ARID3A: variants seen among roughly 807,000 people sequenced by gnomAD.
The protein encoded by ARID3A is AT-rich interaction domain 3A.
Under a neutral mutation model 52.7 loss-of-function variants are expected in ARID3A, and 11 were observed. The ratio of observed to expected loss-of-function variants is 0.21; its 90% confidence interval spans 0.13 to 0.35. ARID3A has a LOEUF of 0.35. Among genes scored for constraint, ARID3A ranks in the 10% least tolerant of loss-of-function variants. The pLI, the probability that ARID3A is intolerant of heterozygous loss-of-function variation, is 1.00. For synonymous variants in ARID3A, 404 were observed against 359.4 expected (o/e 1.12, Z -1.40); for missense variants, 721 against 838.5 (o/e 0.86, Z 1.73).
chr19:966,905 C>G (rs370064965), intron 7 of ARID3A, 37 bp downstream of exon 7: 6 of 1,564,368 alleles, frequency 3.8e-6, no homozygotes, highest in South Asian at 1.2e-5. Context: ...GTGCTTCCTG[C>G]GTGTGTCACA....
intron 8 of ARID3A, among the ~76,000 whole-genome samples, chr19:970,539 A>C (rs2038257176): frequency 8.6e-6 from 1 of 116,754 alleles, no homozygotes; most frequent in Non-Finnish European, 1.6e-5. Context: ...ACAGAGTCTC[A>C]CTCTGTTGCC....
In ARID3A at chr19:960,042, C is replaced by T; in HGVS notation, c.694-50C>T. 1 of 1,540,108 alleles carries T rather than the reference C, an allele frequency of 6.5e-7. No individual in the cohort carries two copies. The highest frequency in any genetic ancestry group is 8.9e-7 in the Non-Finnish European group (1 of 1,119,746). ...TCCAGTGCAGGAGGGACATGGTTCC[C>T]ACACCTGAGCTCTGGCACCAACTAA... On this transcript the variant is annotated intron_variant, in intron 3 of 8. Coordinates refer to ENST00000263620, the MANE Select transcript of ARID3A (RefSeq NM_005224.3). This position sits in a 1 kb window ranked among gnomAD's most constrained non-coding sequence, Gnocchi z 4.3.
At position 929,695 on chromosome 19, in the gene ARID3A, G is replaced by A. The variant is rs1036213275; in HGVS notation, c.167G>A (p.Arg56Gln). Residue 56 changes from arginine (R) to glutamine (Q), a missense_variant, in exon 2 of 9, where the codon CGG (arginine) becomes CAG (glutamine). Physicochemically the swap from Arg to Gln is conservative, Grantham distance 43 (BLOSUM62 1). This residue lies in a region of ARID3A where 349 missense variants were observed against 297.3 expected (regional missense o/e 1.17). Coordinates refer to ENST00000263620, the MANE Select transcript of ARID3A (RefSeq NM_005224.3). The surrounding 1 kb of genome is among the most constrained non-coding windows in gnomAD (Gnocchi z 6.2). ...DREPESARMQRAQMAALAAMR... is the reference protein window; with the variant it reads ...DREPESARMQQAQMAALAAMR... ...GAGCCCGAGAGTGCCCGGATGCAGC[G>A]GGCTCAGATGGCCGCACTGGCAGCC... 1.3e-5 allele frequency: 21 copies of A among 1,563,522 alleles called. No individual in the cohort carries two copies. The highest frequency in any genetic ancestry group is 4.6e-5 in the East Asian group (2 of 43,126).
chr19:972,154 A>C lies in ARID3A; in HGVS notation c.*89A>C. 7.8e-7 allele frequency: 1 copy of C among 1,278,806 alleles called. No homozygotes were observed. The allele number at this position is 1,278,806 out of a possible 1,614,324, so 79.2% of individuals were successfully genotyped here. A position where few individuals can be genotyped will look rare whatever the true frequency, so the allele number is the denominator to read the frequency against. ...GGCCACACAGGGGCCAGGATGGCGG[A>C]AGATACGGGTGGGGAGGGAAGATAT... On this transcript the variant is annotated 3_prime_UTR_variant, in exon 9 of 9. Transcript: ENST00000263620.
chr19:970,241 A>G (rs1216661475), intron 8 of ARID3A, among the ~76,000 whole-genome samples: 1 of 151,816 alleles, frequency 6.6e-6, no homozygotes, highest in African/African-American at 2.4e-5. Flanking sequence ...TGAACCCGGG[A>G]GGCGAAGGTT....
chr19:957,368 G>T (rs931785709), intron 3 of ARID3A, among the ~76,000 whole-genome samples: 1 of 152,212 alleles, frequency 6.6e-6, no homozygotes, highest in African/African-American at 2.4e-5. Flanking sequence ...CAGCCCCCAG[G>T]CTCTGGTCCC....
At chr19:934,936 G>A (rs546168878) in intron 3 of ARID3A, among the ~76,000 whole-genome samples, 9 of 152,278 alleles carry the variant, frequency 5.9e-5, no homozygotes, top group East Asian at 5.8e-4. Flanking sequence ...TGGGCTGTTC[G>A]TGGCAGGTCC....
Position 931,924 on chromosome 19 carries a change from T to C in ARID3A, c.369-494T>C, listed in dbSNP as rs186937476. Among the ~76,000 whole-genome samples, 884 of 150,168 alleles carry C rather than the reference T, an allele frequency of 5.9e-3. 3 individuals carry two copies. Among genetic ancestry groups the C allele is most frequent in the Non-Finnish European group, 0.01 (690 of 67,654 alleles). On this transcript the variant is annotated intron_variant, in intron 2 of 8. Transcript: ENST00000263620. ...CAGATGGCGGTGGGAGAATTCTCCC[T>C]GTGGAGGGAAGGGGAGGTGGAGCTG... is the stretch of plus-strand genomic sequence containing the variant.
chr19:954,993 T>A (rs1159419970), intron 3 of ARID3A, among the ~76,000 whole-genome samples: 1 of 152,080 alleles, frequency 6.6e-6, no homozygotes, highest in African/African-American at 2.4e-5. Flanking sequence ...TTTTGCCCAA[T>A]CTCCAGCCTG....
chr19:954,889 G>A (rs1162041427), intron 3 of ARID3A, among the ~76,000 whole-genome samples: 1 of 152,196 alleles, frequency 6.6e-6, no homozygotes, highest in African/African-American at 2.4e-5. Flanking sequence ...CCCCTCCCGT[G>A]ATCAGAGCAG....
At chr19:927,043 C>T (rs1052739800) in intron 1 of ARID3A, among the ~76,000 whole-genome samples, 4 of 152,106 alleles carry the variant, frequency 2.6e-5, no homozygotes, top group South Asian at 2.1e-4. Context: ...TTCTGCCCCG[C>T]CCCTCCCCCT....
intron 3 of ARID3A, among the ~76,000 whole-genome samples, chr19:957,182 C>T (rs993903779): frequency 4.6e-5 from 7 of 152,110 alleles, no homozygotes; most frequent in East Asian, 1.9e-4. Context: ...CTCTGGAAGA[C>T]GTTCCGGGGC....
chr19:975,435 G>A lies in ARID3A; in HGVS notation c.*3370G>A, dbSNP rs778676272. 1.3e-4 allele frequency: 30 copies of A among 230,760 alleles called. No homozygotes were observed. The highest frequency in any genetic ancestry group is 1.9e-4 in the Non-Finnish European group (22 of 116,506). The allele number at this position is 230,760 out of a possible 1,614,324, so 14.3% of individuals were successfully genotyped here. A position where few individuals can be genotyped will look rare whatever the true frequency, so the allele number is the denominator to read the frequency against. ...AGTTGAATTTCCTTTCTCTTATCATGTTTTACCCACCTTGTCCCTTTTTTC... is the reference window on the plus strand; with the variant it reads ...AGTTGAATTTCCTTTCTCTTATCATATTTTACCCACCTTGTCCCTTTTTTC... On this transcript the variant is annotated 3_prime_UTR_variant, in exon 9 of 9. Coordinates refer to ENST00000263620, the MANE Select transcript of ARID3A (RefSeq NM_005224.3).
At chr19:927,165 T>C (rs2037218269) in intron 1 of ARID3A, among the ~76,000 whole-genome samples, 1 of 152,004 alleles carries the variant, frequency 6.6e-6, no homozygotes, top group South Asian at 2.1e-4. Flanking sequence ...GGGTGACCTC[T>C]CTCCGGAGGC....
At chr19:950,108 C>T (rs1372918044) in intron 3 of ARID3A, among the ~76,000 whole-genome samples, 170 of 92,122 alleles carry the variant, frequency 1.8e-3, no homozygotes, top group African/African-American at 6.8e-3. Flanking sequence ...TGGATGAGGC[C>T]GTCCCCAGAG....
rs2038017837 is a variant in ARID3A, at chr19:960,466, C to T, written c.766+302C>T. 6.6e-6 allele frequency among the ~76,000 whole-genome samples: 1 copy of T among 152,088 alleles called. No individual in the cohort carries two copies. ...GGTCATCTCCTTAGCATCCAGGGTG[C>T]AGTGAAGTGGGGGTCCCCACTACTG... On this transcript the variant is annotated intron_variant, in intron 4 of 8. Coordinates refer to ENST00000263620, the MANE Select transcript of ARID3A (RefSeq NM_005224.3). The surrounding 1 kb of genome is among the most constrained non-coding windows in gnomAD (Gnocchi z 4.3).
At chr19:967,822 A>C (rs2038191514) in intron 7 of ARID3A, among the ~76,000 whole-genome samples, 1 of 152,152 alleles carries the variant, frequency 6.6e-6, no homozygotes, top group Admixed American at 6.5e-5. Flanking sequence ...AGGCGGGCAG[A>C]TCACCTGAGG....
At chr19:927,671 C>T (rs1423599334) in intron 1 of ARID3A, among the ~76,000 whole-genome samples, 1 of 149,358 alleles carries the variant, frequency 6.7e-6, no homozygotes, top group Admixed American at 6.6e-5. Flanking sequence ...AGAAATGCCC[C>T]CTCAGCACTT....
In ARID3A at chr19:938,476, G is replaced by T. The variant is rs1010463453; in HGVS notation, c.693+5734G>T. Among the ~76,000 whole-genome samples the T allele has an allele frequency of 8.5e-5, 13 of 152,336 alleles. No homozygotes were observed. In the South Asian group the frequency reaches 2.7e-3, roughly 32 times the overall value. On this transcript the variant is annotated intron_variant, in intron 3 of 8. Coordinates refer to ENST00000263620, the MANE Select transcript of ARID3A (RefSeq NM_005224.3). This position sits in a 1 kb window ranked among gnomAD's most constrained non-coding sequence, Gnocchi z 4.0. ...TTGTGCACAGTCGCCCGGGGGACGTGTCAGAGCTGGAATTTGACCCCCGGG... is the reference window on the plus strand; with the variant it reads ...TTGTGCACAGTCGCCCGGGGGACGTTTCAGAGCTGGAATTTGACCCCCGGG...
Sources: allele counts gnomAD v4.1 joint callset (sites outside exome capture counted in the v4.1 genomes callset), GRCh38; gene constraint gnomAD v4.1.1; regional missense constraint gnomAD v4.1.1; non-coding constraint Gnocchi (gnomAD v3.1); transcripts MANE v1.5; gene names NCBI Gene and HGNC (gene_info 2026-07-23, HGNC 2026-07-21).